The following MGAT4C variants were observed in gnomAD, a reference collection of about 807,000 sequenced individuals.
The protein encoded by MGAT4C is alpha-1,3-mannosyl-glycoprotein 4-beta-N-acetylglucosaminyltransferase C.
In MGAT4C, 19 loss-of-function variants were observed where a neutral mutation model predicts 40.1. The ratio of observed to expected loss-of-function variants is 0.47; its 90% CI spans 0.33 to 0.70. The LOEUF is 0.70. Ranked by LOEUF, MGAT4C falls within the 30% of genes least tolerant of loss-of-function variation. The pLI is 0.02. For synonymous variants in MGAT4C, 181 were observed against 187.1 expected (o/e 0.97, Z 0.27); for missense variants, 491 against 563.2 (o/e 0.87, Z 1.30).
chr12:86,333,474 G>C (rs528833472), intron 4 of MGAT4C, among the ~76,000 whole-genome samples: 4 of 152,124 alleles, frequency 2.6e-5, no homozygotes, highest in South Asian at 2.1e-4. Flanking sequence ...GCCATGGCAG[G>C]GTTCAAGAAC....
chr12:86,198,301 C>A (rs1404915752), intron 1 of MGAT4C, among the ~76,000 whole-genome samples: 1 of 152,136 alleles, frequency 6.6e-6, no homozygotes, highest in Non-Finnish European at 1.5e-5. Flanking sequence ...GAAGGCCATT[C>A]AGTCATTTGT....
chr12:86,501,677 T>A (rs1415582560), intron 2 of MGAT4C, among the ~76,000 whole-genome samples: 2 of 152,076 alleles, frequency 1.3e-5, no homozygotes, highest in Non-Finnish European at 2.9e-5. Flanking sequence ...CATGATCTTG[T>A]TCCTTTTTAT....
intron 1 of MGAT4C, among the ~76,000 whole-genome samples, chr12:86,206,833 C>T (rs1566145221): frequency 6.6e-6 from 1 of 152,150 alleles, no homozygotes; most frequent in Admixed American, 6.5e-5. Context: ...GCAGCACACT[C>T]CTAAAATATA....
intron 1 of MGAT4C, among the ~76,000 whole-genome samples, chr12:86,241,276 C>G (rs1252665963): frequency 1.3e-5 from 2 of 152,082 alleles, no homozygotes; most frequent in Non-Finnish European, 2.9e-5. Context: ...TATCATGCCC[C>G]ACAATAAAAT....
intron 2 of MGAT4C, among the ~76,000 whole-genome samples, chr12:86,722,846 G>A (rs1565948407): frequency 6.6e-6 from 1 of 152,182 alleles, no homozygotes; most frequent in East Asian, 1.9e-4. Flanking sequence ...GGTTATAAAG[G>A]GATGGAAACT....
In MGAT4C at chr12:86,562,395, A is replaced by ATGC. The variant is rs535745405; in HGVS notation, c.-228-127133_-228-127131dup. On this transcript the variant is annotated intron_variant, in intron 2 of 7. Transcript: ENST00000548651. ...ACTTGGAATTGGGACAGGTGGGAGG[A>ATGC]TGCTGATGATGCTGGGGGCGCTGAG... 8.5e-3 allele frequency among the ~76,000 whole-genome samples: 1,296 copies of ATGC among 152,186 alleles called. 7 individuals carry two copies. The highest frequency in any genetic ancestry group is 0.014 in the Non-Finnish European group (956 of 68,004).
At chr12:86,486,908 A>G (rs1006511257) in intron 2 of MGAT4C, among the ~76,000 whole-genome samples, 8 of 152,158 alleles carry the variant, frequency 5.3e-5, no homozygotes, top group African/African-American at 1.9e-4. Flanking sequence ...GGATTCTGCA[A>G]ATTAATCAAT....
intron 4 of MGAT4C, among the ~76,000 whole-genome samples, chr12:86,277,182 G>A (rs1953098228): frequency 6.6e-6 from 1 of 152,050 alleles, no homozygotes; most frequent in South Asian, 2.1e-4. Context: ...TCAATGTTGA[G>A]CACATTTTTA....
chr12:86,252,966 A>T (rs2136080185), intron 1 of MGAT4C, among the ~76,000 whole-genome samples: 1 of 152,072 alleles, frequency 6.6e-6, no homozygotes, highest in Middle Eastern at 3.4e-3. Flanking sequence ...ATCAAGTATG[A>T]GTTATAAAAT....
chr12:86,111,764 C>T (rs575627452), intron 1 of MGAT4C, among the ~76,000 whole-genome samples: 2 of 151,864 alleles, frequency 1.3e-5, no homozygotes, highest in South Asian at 2.1e-4. Flanking sequence ...AAGGGGACCG[C>T]ACTTACTTTA....
chr12:86,022,053 AAAT>A (rs1395166960), intron 2 of MGAT4C, among the ~76,000 whole-genome samples: 1 of 152,198 alleles, frequency 6.6e-6, no homozygotes, highest in Non-Finnish European at 1.5e-5. Flanking sequence ...TAAATTCTAA[AAAT>A]AATAAGAATT....
At chr12:86,549,415 G>T (rs1183108665) in intron 2 of MGAT4C, among the ~76,000 whole-genome samples, 2 of 152,156 alleles carry the variant, frequency 1.3e-5, no homozygotes, top group African/African-American at 2.4e-5. Context: ...TAAGTCATCT[G>T]AGGAGTTTAA....
At chr12:86,778,560 C>A (rs1247193075) in intron 1 of MGAT4C, among the ~76,000 whole-genome samples, 1 of 152,174 alleles carries the variant, frequency 6.6e-6, no homozygotes, top group Non-Finnish European at 1.5e-5. Context: ...AACATCCTCA[C>A]CACTGCTAAG....
At chr12:86,207,311 A>G (rs1044585683) in intron 1 of MGAT4C, among the ~76,000 whole-genome samples, 1 of 152,168 alleles carries the variant, frequency 6.6e-6, no homozygotes, top group East Asian at 1.9e-4. Flanking sequence ...CCTGGGTTAC[A>G]TGTGCTGAAC....
intron 2 of MGAT4C, among the ~76,000 whole-genome samples, chr12:86,573,100 C>T (rs1017023371): frequency 1.3e-5 from 2 of 151,856 alleles, no homozygotes; most frequent in Non-Finnish European, 2.9e-5. Flanking sequence ...CCTGTTACTT[C>T]GACACCTGTT....
intron 2 of MGAT4C, among the ~76,000 whole-genome samples, chr12:86,699,717 C>G (rs1011033554): frequency 4.0e-5 from 6 of 151,892 alleles, no homozygotes; most frequent in Non-Finnish European, 7.4e-5. Flanking sequence ...ATGTTATATA[C>G]TATATTCTTA....
At chr12:86,486,225 C>T (rs1016927926) in intron 2 of MGAT4C, among the ~76,000 whole-genome samples, 6 of 151,954 alleles carry the variant, frequency 3.9e-5, no homozygotes, top group South Asian at 2.1e-4. Context: ...TACCCTGGAA[C>T]GTAAATGGTC....
At chr12:86,273,258 T>C (rs1290469412) in intron 4 of MGAT4C, among the ~76,000 whole-genome samples, 1 of 152,212 alleles carries the variant, frequency 6.6e-6, no homozygotes, top group African/African-American at 2.4e-5. Context: ...GGCAAGTTAC[T>C]TGATTTTCCT....
At chr12:86,072,190 G>A (rs955719556) in intron 1 of MGAT4C, among the ~76,000 whole-genome samples, 1 of 152,092 alleles carries the variant, frequency 6.6e-6, no homozygotes, top group Non-Finnish European at 1.5e-5. Flanking sequence ...GTTAAGTGAT[G>A]TGCCTGAGGT....
Sources: gnomAD v4.1 joint callset for allele counts (sites outside exome capture counted in the v4.1 genomes callset) on GRCh38, gnomAD v4.1.1 for gene constraint, MANE v1.5 for transcripts, NCBI Gene and HGNC (gene_info 2026-07-23, HGNC 2026-07-21) for gene names.